The following SERHL2 variants were observed in gnomAD, a reference collection of about 807,000 sequenced individuals.
SERHL2 encodes serine hydrolase like 2, also known as serine hydrolase-like protein 2.
SERHL2 carries 29 observed loss-of-function variants against 25.5 expected under a neutral mutation model. The observed-to-expected ratio is 1.14, with a 90% confidence interval of 0.85 to 1.55. The LOEUF is 1.55. SERHL2 is among the 40% of genes most tolerant of loss of function. The probability of loss-of-function intolerance (pLI) is 0.00; values close to 1 mark genes in which losing one functional copy is unlikely to be tolerated. For missense variants in SERHL2, 240 were observed against 252.3 expected (o/e 0.95, Z 0.33); for synonymous variants, 95 against 103.5 (o/e 0.92, Z 0.50).
At position 42,574,192 on chromosome 22, in the gene SERHL2, A is replaced by G. The variant is rs937915879; in HGVS notation, c.*137A>G. 12 of 731,972 alleles carry G rather than the reference A, an allele frequency of 1.6e-5. No individual in the cohort carries two copies. The African/African-American group carries it at 2.0e-4, about 12-fold the overall frequency. The allele number at this position is 731,972 out of a possible 1,614,324, so 45.3% of individuals were successfully genotyped here. Reference sequence around the variant, plus strand: ...TGAGGCCCAGCCTAGGATGGTAGTCAGGGGAAGGAGCGAGATTCCAACTTC... The same window carrying G: ...TGAGGCCCAGCCTAGGATGGTAGTCGGGGGAAGGAGCGAGATTCCAACTTC... On this transcript the variant is annotated 3_prime_UTR_variant, in exon 12 of 12. Coordinates refer to ENST00000327678, the MANE Select transcript of SERHL2 (RefSeq NM_014509.5).
intron 8 of SERHL2, among the ~76,000 whole-genome samples, chr22:42,562,928 C>CA (rs1274326944): frequency 1.3e-5 from 2 of 152,000 alleles, no homozygotes; most frequent in African/African-American, 4.8e-5. Flanking sequence ...AGCGTATTCA[C>CA]ACATGCCTGT....
intron 9 of SERHL2, 27 bp from the exon 10 acceptor site, chr22:42,571,094 G>T (rs759896968): frequency 1.6e-5 from 26 of 1,613,100 alleles, no homozygotes; most frequent in Admixed American, 3.3e-5. Flanking sequence ...CTTGTGACGA[G>T]AATTCACCAT....
chr22:42,555,377 TG>T, intron 3 of SERHL2, 32 bp downstream of exon 3: 3 of 177,164 alleles, frequency 1.7e-5, no homozygotes, highest in Non-Finnish European at 2.0e-5. Flanking sequence ...TTCGGCGGTG[TG>T]GGGGGTGCTC....
intron 1 of SERHL2, 148 bp downstream of exon 1, chr22:42,554,190 A>C (rs1921946216): frequency 2.0e-6 from 2 of 1,001,536 alleles, no homozygotes; most frequent in South Asian, 1.5e-5. Flanking sequence ...GGGGCATGAG[A>C]GCGCGACCGG....
rs2097456 is a variant in SERHL2 at position 42,573,400 on chromosome 22, C to T, written c.826-536C>T. Reference sequence around the variant, plus strand: ...CTGGGACTACAGGCGCCCGCCACCACGCCCGGCTAATTTTTTGTATTTTTA... The same window carrying T: ...CTGGGACTACAGGCGCCCGCCACCATGCCCGGCTAATTTTTTGTATTTTTA... On this transcript the variant is annotated intron_variant, in intron 11 of 11. Coordinates refer to ENST00000327678, the MANE Select transcript of SERHL2 (RefSeq NM_014509.5). The T allele has an allele frequency of 8.7e-3, 1,328 of 152,866 alleles. 16 individuals are homozygous for T. Among genetic ancestry groups the T allele is most frequent in the African/African-American group, 0.03 (1,226 of 41,444 alleles). The allele number at this position is 152,866 out of a possible 1,614,324, so 9.5% of individuals were successfully genotyped here.
At chr22:42,563,396 G>C (rs1922944695) in intron 8 of SERHL2, 1 of 430,886 alleles carries the variant, frequency 2.3e-6, no homozygotes, top group Non-Finnish European at 4.6e-6. Flanking sequence ...TAGAGATGGA[G>C]TTTCGCCATG....
At position 42,558,428 on chromosome 22, in the gene SERHL2, C is replaced by G. The variant is rs113763078; in HGVS notation, c.504C>G (p.His168Gln). 1 of 8 alleles carries G rather than the reference C, an allele frequency of 0.12. No individual in the cohort carries two copies. Among genetic ancestry groups the G allele is most frequent in the Non-Finnish European group, 0.12 (1 of 8 alleles). The allele number at this position is 8 out of a possible 1,614,324, so 0.0% of individuals were successfully genotyped here. A position where few individuals can be genotyped will look rare whatever the true frequency, so the allele number is the denominator to read the frequency against. ...TAGAGGCCTCCCAGGAGCCCTCGCACGTGTTCAGCCTGAAGCAGCTGCTGC... is the reference window on the plus strand; with the variant it reads ...TAGAGGCCTCCCAGGAGCCCTCGCAGGTGTTCAGCCTGAAGCAGCTGCTGC... ...LQVEASQEPS[H>Q]VFSLKQLLQR... The change falls in exon 7 of 12, where the codon CAC becomes CAG. Residue 168 changes from histidine (H) to glutamine (Q), a missense_variant. His to Gln is a conservative substitution (Grantham distance 24, BLOSUM62 0). Coordinates refer to ENST00000327678, the MANE Select transcript of SERHL2 (RefSeq NM_014509.5).
chr22:42,559,874 C>A (rs999148651), intron 7 of SERHL2, among the ~76,000 whole-genome samples: 10 of 152,046 alleles, frequency 6.6e-5, no homozygotes, highest in Admixed American at 3.3e-4. Context: ...TGCAGTGGCA[C>A]AATCTCAGCT....
chr22:42,570,277 C>G (rs192392494), intron 9 of SERHL2, among the ~76,000 whole-genome samples: 1 of 151,944 alleles, frequency 6.6e-6, no homozygotes, highest in Non-Finnish European at 1.5e-5. Flanking sequence ...CAAAATTAGG[C>G]CTGGTGGCGC....
chr22:42,570,995 T>C (rs1361758485), intron 9 of SERHL2, 126 bp from the exon 10 acceptor site: 8 of 1,388,436 alleles, frequency 5.8e-6, no homozygotes, highest in Non-Finnish European at 7.9e-6. Flanking sequence ...GGTCCTGGGC[T>C]CAGACCCAGG....
intron 9 of SERHL2, among the ~76,000 whole-genome samples, chr22:42,567,978 C>T (rs957950532): frequency 1.3e-5 from 2 of 151,604 alleles, no homozygotes; most frequent in African/African-American, 4.8e-5. Flanking sequence ...GATCTGCCTG[C>T]CTCGACCTCC....
intron 9 of SERHL2, among the ~76,000 whole-genome samples, chr22:42,570,497 G>A (rs1389547155): frequency 2.0e-5 from 3 of 152,158 alleles, no homozygotes; most frequent in Non-Finnish European, 4.4e-5. Flanking sequence ...CATAAAGCTT[G>A]ATTGCATTAT....
At chr22:42,567,472 G>A (rs1292519138) in intron 9 of SERHL2, among the ~76,000 whole-genome samples, 2 of 151,348 alleles carry the variant, frequency 1.3e-5, no homozygotes, top group African/African-American at 4.8e-5. Context: ...AGACCATCCT[G>A]GCTAACAAGG....
intron 7 of SERHL2, 69 bp from the exon 8 acceptor site, chr22:42,560,117 C>T: frequency 2.5e-6 from 3 of 1,206,652 alleles, no homozygotes; most frequent in Non-Finnish European, 3.7e-6. Flanking sequence ...CCCCGGCCCT[C>T]CTCTCCTTTT....
At chr22:42,570,585 C>A (rs1225579492) in intron 9 of SERHL2, among the ~76,000 whole-genome samples, 2 of 152,202 alleles carry the variant, frequency 1.3e-5, no homozygotes, top group African/African-American at 4.8e-5. Context: ...ACATCCCTGC[C>A]ATCCAGACGT....
chr22:42,574,318 C>G lies in SERHL2; in HGVS notation c.*263C>G, dbSNP rs1034785751. The stretch of plus-strand genomic sequence containing the variant: ...GCCAGCTGGAGGAAGGAAGGGCAGG[C>G]TGGGCCCACCTAGCCTTTCCCTGCT... On this transcript the variant is annotated 3_prime_UTR_variant, in exon 12 of 12. Coordinates refer to ENST00000327678, the MANE Select transcript of SERHL2 (RefSeq NM_014509.5). 1 of 536,312 alleles carries G rather than the reference C, an allele frequency of 1.9e-6. No homozygotes were observed. Among genetic ancestry groups the G allele is most frequent in the African/African-American group, 1.9e-5 (1 of 52,098 alleles). The allele number at this position is 536,312 out of a possible 1,614,324, so 33.2% of individuals were successfully genotyped here.
chr22:42,572,620 T>C (rs1349409467), intron 11 of SERHL2, 91 bp downstream of exon 11: 13 of 1,528,348 alleles, frequency 8.5e-6, no homozygotes, highest in Admixed American at 5.9e-5. Context: ...GGGAAGACCC[T>C]GGGTCTGCCC....
At chr22:42,568,823 G>C (rs1005359877) in intron 9 of SERHL2, among the ~76,000 whole-genome samples, 1 of 151,794 alleles carries the variant, frequency 6.6e-6, no homozygotes, top group East Asian at 2.0e-4. Flanking sequence ...AAAATTAGCC[G>C]GGTGTGGTGG....
At chr22:42,556,667 G>A in intron 6 of SERHL2, 79 bp downstream of exon 6, 1 of 1,209,520 alleles carries the variant, frequency 8.3e-7, no homozygotes, top group African/African-American at 1.6e-5. Context: ...TGTCTCCTTT[G>A]GTGGACACTA....
Sources: allele counts gnomAD v4.1 joint callset (sites outside exome capture counted in the v4.1 genomes callset), GRCh38; gene constraint gnomAD v4.1.1; transcripts MANE v1.5; gene names NCBI Gene and HGNC (gene_info 2026-07-23, HGNC 2026-07-21).